TMEM135: variants seen among roughly 807,000 people sequenced by gnomAD.
TMEM135 encodes the protein transmembrane protein 135.
In TMEM135, 30 loss-of-function variants were observed where a neutral mutation model predicts 60.3. The observed-to-expected ratio is 0.50, with a 90% confidence interval of 0.37 to 0.68. The LOEUF is 0.68. TMEM135 is among the 30% of genes least tolerant of loss of function. The probability of loss-of-function intolerance (pLI) is 0.00; values close to 1 mark genes in which losing one functional copy is unlikely to be tolerated. For synonymous variants in TMEM135, 190 were observed against 186.7 expected (o/e 1.02, Z -0.14); for missense variants, 468 against 548.8 (o/e 0.85, Z 1.47).
At chr11:87,134,676 G>T (rs1477199591) in intron 4 of TMEM135, among the ~76,000 whole-genome samples, 8 of 152,042 alleles carry the variant, frequency 5.3e-5, no homozygotes, top group Admixed American at 4.6e-4. Flanking sequence ...GTAGAGGTGG[G>T]GTTCTCACTA....
At chr11:87,109,049 G>T (rs1218845831) in intron 4 of TMEM135, among the ~76,000 whole-genome samples, 1 of 152,190 alleles carries the variant, frequency 6.6e-6, no homozygotes, top group Admixed American at 6.5e-5. Context: ...AGAGTAGGGA[G>T]TGAAGGGATT....
At chr11:87,320,410 A>G (rs1053427604) in intron 14 of TMEM135, among the ~76,000 whole-genome samples, 1 of 152,176 alleles carries the variant, frequency 6.6e-6, no homozygotes, top group African/African-American at 2.4e-5. Flanking sequence ...CTGCACATTA[A>G]TAAGTTTTAC....
At chr11:87,089,258 G>T (rs1200210751) in intron 3 of TMEM135, among the ~76,000 whole-genome samples, 1 of 152,172 alleles carries the variant, frequency 6.6e-6, no homozygotes, top group Non-Finnish European at 1.5e-5. Flanking sequence ...TTGTCAGCGG[G>T]GTACGGTAGC....
Position 87,091,407 on chromosome 11 carries a change from G to T in TMEM135, c.396+12G>T, listed in dbSNP as rs939255623. 3.1e-6 allele frequency: 5 copies of T among 1,611,404 alleles called. No homozygotes were observed. Among genetic ancestry groups the T allele is most frequent in the Non-Finnish European group, 8.5e-7 (1 of 1,178,348 alleles). The stretch of plus-strand genomic sequence containing the variant: ...ATATGGCCAACTTGGTAAGTATTTT[G>T]TTTTAACCTTTGATGTCTTCCCATA... On this transcript the variant is annotated intron_variant, in intron 4 of 14. Transcript: ENST00000305494.
intron 1 of TMEM135, among the ~76,000 whole-genome samples, chr11:87,059,304 GTTC>G (rs1292190726): frequency 7.2e-6 from 1 of 138,932 alleles, no homozygotes; most frequent in East Asian, 2.1e-4. Context: ...GTTGTTTGAA[GTTC>G]TTTTTTTTTT....
At chr11:87,119,867 T>A (rs3133320) in intron 4 of TMEM135, among the ~76,000 whole-genome samples, 1 of 151,430 alleles carries the variant, frequency 6.6e-6, no homozygotes, top group African/African-American at 2.4e-5. Flanking sequence ...GCAGCGTTGC[T>A]GCAAACCTTT....
chr11:87,066,875 G>A (rs1856673602), intron 1 of TMEM135, among the ~76,000 whole-genome samples: 1 of 150,234 alleles, frequency 6.7e-6, no homozygotes, highest in African/African-American at 2.4e-5. Flanking sequence ...CCGCCTCCCG[G>A]GTTCAAGCAA....
At chr11:87,066,331 G>A (rs1856650724) in intron 1 of TMEM135, among the ~76,000 whole-genome samples, 3 of 151,978 alleles carry the variant, frequency 2.0e-5, no homozygotes, top group African/African-American at 7.3e-5. Flanking sequence ...CTCATATCCC[G>A]TTCTCCATGA....
At chr11:87,286,258 G>A (rs1942162386) in intron 6 of TMEM135, among the ~76,000 whole-genome samples, 1 of 149,980 alleles carries the variant, frequency 6.7e-6, no homozygotes, top group Admixed American at 6.6e-5. Context: ...TAGACACAGA[G>A]TGCTTATTGG....
intron 6 of TMEM135, among the ~76,000 whole-genome samples, chr11:87,285,754 A>C (rs994574921): frequency 2.0e-5 from 3 of 151,998 alleles, no homozygotes; most frequent in African/African-American, 7.3e-5. Flanking sequence ...GGCACTGCTG[A>C]CTCTGGCAGC....
At chr11:87,316,864 C>G (rs1444094305) in intron 12 of TMEM135, among the ~76,000 whole-genome samples, 1 of 150,660 alleles carries the variant, frequency 6.6e-6, no homozygotes, top group East Asian at 1.9e-4. Context: ...GGCATATAAA[C>G]TATGGTGATG....
chr11:87,157,091 G>C (rs75547674), intron 4 of TMEM135, among the ~76,000 whole-genome samples: 1 of 121,710 alleles, frequency 8.2e-6, no homozygotes, highest in Non-Finnish European at 1.7e-5. Context: ...TTTTTTTTTA[G>C]ACAGGGTCTC....
intron 5 of TMEM135, among the ~76,000 whole-genome samples, chr11:87,168,535 T>C (rs1194731763): frequency 6.6e-6 from 1 of 152,216 alleles, no homozygotes; most frequent in African/African-American, 2.4e-5. Flanking sequence ...AAAGAACTTA[T>C]TTATTTCTGC....
At chr11:87,201,997 TATGTTATGTTATGTA>T (rs528144607) in intron 5 of TMEM135, among the ~76,000 whole-genome samples, 24,513 of 127,266 alleles carry the variant, frequency 0.19, 2,252 homozygotes, top group African/African-American at 0.28. Flanking sequence ...TATGTTATGT[TATGTTATGTTATGTA>T]ATGTTATGTT....
intron 2 of TMEM135, among the ~76,000 whole-genome samples, chr11:87,069,306 A>AAAAAAG (rs1565427864): frequency 6.6e-6 from 1 of 151,122 alleles, no homozygotes; most frequent in Non-Finnish European, 1.5e-5. Context: ...AAAAAAAAAA[A>AAAAAAG]AAGAAGAAGA....
chr11:87,102,704 G>A (rs1023380643), intron 4 of TMEM135, among the ~76,000 whole-genome samples: 2 of 131,668 alleles, frequency 1.5e-5, no homozygotes, highest in Admixed American at 7.2e-5. Context: ...ATATATATAT[G>A]TATATATATG....
intron 5 of TMEM135, among the ~76,000 whole-genome samples, chr11:87,213,856 GAATTTTGTACT>G (rs1413591596): frequency 1.3e-5 from 2 of 152,180 alleles, no homozygotes; most frequent in Non-Finnish European, 2.9e-5. Flanking sequence ...TAAAGATGCA[GAATTTTGTACT>G]AACATATCCA....
At chr11:87,119,903 A>G (rs1278999619) in intron 4 of TMEM135, among the ~76,000 whole-genome samples, 3 of 151,646 alleles carry the variant, frequency 2.0e-5, no homozygotes, top group East Asian at 1.9e-4. Context: ...AAAAAACAGT[A>G]TCTGTGAAGT....
intron 6 of TMEM135, among the ~76,000 whole-genome samples, chr11:87,254,217 A>G (rs1424933811): frequency 6.6e-5 from 10 of 152,254 alleles, no homozygotes; most frequent in Admixed American, 5.9e-4. Context: ...GTTTTAGGTA[A>G]AACAGTACCC....
Sources: gnomAD v4.1 joint callset for allele counts (sites outside exome capture counted in the v4.1 genomes callset) on GRCh38, gnomAD v4.1.1 for gene constraint, MANE v1.5 for transcripts, NCBI Gene and HGNC (gene_info 2026-07-23, HGNC 2026-07-21) for gene names.